The following ITPR2 variants were observed in gnomAD, a reference collection of about 807,000 sequenced individuals.
The protein encoded by ITPR2 is inositol 1,4,5-trisphosphate-gated calcium channel ITPR2.
ITPR2 carries 207 observed loss-of-function variants against 317.1 expected under a neutral mutation model. That is an observed-to-expected ratio of 0.65 (90% CI 0.58 to 0.73). The LOEUF (loss-of-function observed/expected upper bound fraction) is 0.73, where lower values mean the gene tolerates loss of function less well. ITPR2 is among the 30% of genes least tolerant of loss of function. The pLI, the probability that ITPR2 is intolerant of heterozygous loss-of-function variation, is 0.00. For synonymous variants in ITPR2, 1,156 were observed against 1,149.1 expected, an observed-to-expected ratio of 1.01 and a Z score of -0.12; for missense variants, 2,613 against 3,284.0, an observed-to-expected ratio of 0.80 and a Z score of 4.99.
chr12:26,687,183 G>C (rs1948143227), intron 10 of ITPR2, among the ~76,000 whole-genome samples: 1 of 152,140 alleles, frequency 6.6e-6, no homozygotes, highest in Non-Finnish European at 1.5e-5. Context: ...ACACACAGAA[G>C]CCTTCATAGT....
At chr12:26,573,845 G>T (rs1397109544) in intron 34 of ITPR2, among the ~76,000 whole-genome samples, 1 of 152,180 alleles carries the variant, frequency 6.6e-6, no homozygotes, top group African/African-American at 2.4e-5. Context: ...AAGGGCTTTT[G>T]TAAGTGCAGT....
chr12:26,633,185 A>G (rs1946792131), intron 21 of ITPR2, among the ~76,000 whole-genome samples: 1 of 152,156 alleles, frequency 6.6e-6, no homozygotes, highest in African/African-American at 2.4e-5. Flanking sequence ...AATGTAAACC[A>G]TGGTAATACC....
chr12:26,570,780 T>G (rs1376951075), intron 34 of ITPR2, among the ~76,000 whole-genome samples: 1 of 152,208 alleles, frequency 6.6e-6, no homozygotes, highest in Non-Finnish European at 1.5e-5. Context: ...TTCTACCATG[T>G]GCTATTTTAC....
chr12:26,342,434 C>G (rs1018443041), intron 55 of ITPR2, among the ~76,000 whole-genome samples: 1 of 139,894 alleles, frequency 7.1e-6, no homozygotes, highest in East Asian at 2.1e-4. Flanking sequence ...TCCAAACCTC[C>G]TGTTGAAATT....
intron 1 of ITPR2, among the ~76,000 whole-genome samples, chr12:26,790,483 C>A (rs7979400): frequency 2.0e-5 from 3 of 151,802 alleles, no homozygotes. Flanking sequence ...TGGAACACTG[C>A]GGAGCTGTTT....
intron 16 of ITPR2, among the ~76,000 whole-genome samples, chr12:26,658,867 A>G (rs1040354855): frequency 1.3e-5 from 2 of 152,236 alleles, no homozygotes; most frequent in African/African-American, 4.8e-5. Flanking sequence ...GAGAAACCAT[A>G]AAGTTCTATA....
At chr12:26,365,806 G>C (rs138868033) in intron 55 of ITPR2, among the ~76,000 whole-genome samples, 8 of 152,316 alleles carry the variant, frequency 5.3e-5, no homozygotes, top group African/African-American at 1.9e-4. Context: ...AAGCCAATGA[G>C]CGTGCAAAGG....
intron 45 of ITPR2, among the ~76,000 whole-genome samples, chr12:26,449,585 C>T (rs1443571415): frequency 6.6e-6 from 1 of 152,116 alleles, no homozygotes; most frequent in African/African-American, 2.4e-5. Flanking sequence ...CAAGGAATCA[C>T]ATTAGATTTG....
At chr12:26,809,568 G>C (rs1161784835) in intron 1 of ITPR2, among the ~76,000 whole-genome samples, 1 of 152,194 alleles carries the variant, frequency 6.6e-6, no homozygotes. Context: ...AAGTGTGTAT[G>C]ACCTTCTATC....
At chr12:26,448,584 T>C (rs1455115634) in intron 45 of ITPR2, among the ~76,000 whole-genome samples, 1 of 152,094 alleles carries the variant, frequency 6.6e-6, no homozygotes, top group African/African-American at 2.4e-5. Flanking sequence ...AATATTAAAG[T>C]CTCATAACAA....
At chr12:26,419,445 A>C in intron 49 of ITPR2, 6 of 395,632 alleles carry the variant, frequency 1.5e-5, no homozygotes, top group Admixed American at 4.0e-5. Context: ...CGTAAACATA[A>C]TACATGCAAA....
At chr12:26,565,103 C>T (rs1213346802) in intron 34 of ITPR2, among the ~76,000 whole-genome samples, 1 of 152,078 alleles carries the variant, frequency 6.6e-6, no homozygotes, top group Non-Finnish European at 1.5e-5. Flanking sequence ...AATTCCCAAA[C>T]AAAAACATTT....
At position 26,335,789 on chromosome 12, in the gene ITPR2, C is replaced by T. The variant is rs1017028321; in HGVS notation, c.*3608G>A. ...CCCCCATCCCTGCATTTGGTGTGCA[C>T]CTCACAATTTCATGCAATTTAGTGA... On this transcript the variant is annotated 3_prime_UTR_variant, in exon 57 of 57. Transcript: ENST00000381340. The T allele has an allele frequency of 3.9e-5, 6 of 152,332 alleles. No individual in the cohort carries two copies. The highest frequency in any genetic ancestry group is 1.4e-4 in the African/African-American group (6 of 41,578). The allele number at this position is 152,332 out of a possible 1,614,324, so 9.4% of individuals were successfully genotyped here. A position where few individuals can be genotyped will look rare whatever the true frequency, so the allele number is the denominator to read the frequency against.
intron 55 of ITPR2, among the ~76,000 whole-genome samples, chr12:26,383,650 AT>A (rs10687022): frequency 0.16 from 21,651 of 134,280 alleles, 1,631 homozygotes; most frequent in South Asian, 0.18. Flanking sequence ...CGCCTGGCTA[AT>A]TTTTTTTTTT....
chr12:26,828,696 T>A (rs1399882806), intron 1 of ITPR2, among the ~76,000 whole-genome samples: 1 of 152,228 alleles, frequency 6.6e-6, no homozygotes, highest in Non-Finnish European at 1.5e-5. Context: ...ATTTATGGAT[T>A]CCCAACCTTG....
chr12:26,412,798 C>A (rs572896291), intron 51 of ITPR2, among the ~76,000 whole-genome samples: 1 of 152,174 alleles, frequency 6.6e-6, no homozygotes, highest in South Asian at 2.1e-4. Context: ...TGACAAAAGG[C>A]GCAGAGGCCA....
intron 1 of ITPR2, among the ~76,000 whole-genome samples, chr12:26,816,886 G>A (rs900143563): frequency 1.3e-5 from 2 of 152,034 alleles, no homozygotes; most frequent in South Asian, 2.1e-4. Flanking sequence ...GCTCGGTGGC[G>A]AAAGGGAACT....
At chr12:26,350,480 G>A (rs142812021) in intron 55 of ITPR2, among the ~76,000 whole-genome samples, 48 of 152,252 alleles carry the variant, frequency 3.2e-4, no homozygotes, top group Admixed American at 1.2e-3. Flanking sequence ...GCTCTTAATT[G>A]CTTGAGGGCA....
Position 26,654,144 on chromosome 12 carries a change from A to AC in ITPR2, c.2590-19_2590-18insG. On this transcript the variant is annotated intron_variant, in intron 20 of 56. Coordinates refer to ENST00000381340, the MANE Select transcript of ITPR2 (RefSeq NM_002223.4). ...TGGACCACCTTAATAAAAAAAAAAA[A>AC]GCGGGGAGGGGGAGGGTGAAAGAGT... The AC allele has an allele frequency of 9.1e-6, 11 of 1,204,816 alleles. No homozygotes were observed. Among genetic ancestry groups the AC allele is most frequent in the Non-Finnish European group, 9.0e-6 (8 of 887,050 alleles). The allele number at this position is 1,204,816 out of a possible 1,614,324, so 74.6% of individuals were successfully genotyped here. A position where few individuals can be genotyped will look rare whatever the true frequency, so the allele number is the denominator to read the frequency against.
Sources: gnomAD v4.1 joint callset for allele counts (sites outside exome capture counted in the v4.1 genomes callset) on GRCh38, gnomAD v4.1.1 for gene constraint, MANE v1.5 for transcripts, NCBI Gene and HGNC (gene_info 2026-07-23, HGNC 2026-07-21) for gene names.